Variants in LIMCH1 observed in about 807,000 individuals in gnomAD.
The protein encoded by LIMCH1 is LIM and calponin homology domains-containing protein 1.
A neutral mutation model predicts 176.5 loss-of-function variants in LIMCH1; 113 were observed. The ratio of observed to expected loss-of-function variants is 0.64; its 90% CI spans 0.55 to 0.75. The LOEUF (loss-of-function observed/expected upper bound fraction) is 0.75. LIMCH1 is among the 30% of genes least tolerant of loss of function. The probability of loss-of-function intolerance (pLI) is 0.00; values close to 1 mark genes in which losing one functional copy is unlikely to be tolerated. For missense variants in LIMCH1, 1,674 were observed against 1,814.9 expected (o/e 0.92, Z 1.41); for synonymous variants, 619 against 645.9 (o/e 0.96, Z 0.63).
chr4:41,375,900 T>C (rs2054694945), intron 1 of LIMCH1, among the ~76,000 whole-genome samples: 1 of 152,240 alleles, frequency 6.6e-6, no homozygotes, highest in Non-Finnish European at 1.5e-5. Flanking sequence ...GGCAGATTTT[T>C]CCTTTTTTCT....
At chr4:41,460,458 C>CCATATATATATATATATATATATATATA (rs1554057132) in intron 1 of LIMCH1, among the ~76,000 whole-genome samples, 5 of 110,542 alleles carry the variant, frequency 4.5e-5, no homozygotes, top group African/African-American at 2.0e-4. Context: ...TAGTAATCAT[C>CCATATATATATATATATATATATATATA]TATATATATA....
At chr4:41,650,367 T>C in intron 17 of LIMCH1, 26 bp from the exon 18 acceptor site, 1 of 1,573,790 alleles carries the variant, frequency 6.4e-7, no homozygotes, top group Non-Finnish European at 8.7e-7. Flanking sequence ...ATATAGCATG[T>C]TTTTTGTTCA....
chr4:41,474,528 A>G (rs1349259823), intron 1 of LIMCH1, among the ~76,000 whole-genome samples: 2 of 152,172 alleles, frequency 1.3e-5, no homozygotes, highest in Non-Finnish European at 2.9e-5. Flanking sequence ...TGGATAGACT[A>G]TTCTCAAAAG....
At chr4:41,593,579 C>G (rs912290771) in intron 1 of LIMCH1, among the ~76,000 whole-genome samples, 2 of 152,202 alleles carry the variant, frequency 1.3e-5, no homozygotes, top group Non-Finnish European at 2.9e-5. Flanking sequence ...TTTCTCACAA[C>G]CTTTTTTGGG....
intron 2 of LIMCH1, among the ~76,000 whole-genome samples, chr4:41,505,839 T>C (rs1323685364): frequency 1.3e-5 from 2 of 152,034 alleles, no homozygotes; most frequent in Non-Finnish European, 2.9e-5. Context: ...AGTTATAAGA[T>C]TTCTACCTAG....
At chr4:41,604,139 G>A (rs114753026) in intron 3 of LIMCH1, 9,520 of 919,754 alleles carry the variant, frequency 0.01, 59 homozygotes, top group Non-Finnish European at 0.012. Context: ...AAATAAACAA[G>A]TGAAAGCTTG....
rs2073191604 is a variant in LIMCH1, at chr4:41,501,102, TGCACAAGAAAGACCATTAATG to T, written c.167+6499_167+6519del. Among the ~76,000 whole-genome samples, 3 of 152,312 alleles carry T rather than the reference TGCACAAGAAAGACCATTAATG, an allele frequency of 2.0e-5. No individual in the cohort carries two copies. In the South Asian group the frequency reaches 6.2e-4, roughly 32 times the overall value. ...CACTGGGGAGTTCAGGTAAGAACTC[TGCACAAGAAAGACCATTAATG>T]GCCACTGTGATTTTCTTTAACCCCT... is the stretch of plus-strand genomic sequence containing the variant. On this transcript the variant is annotated intron_variant, in intron 2 of 26. Transcript: ENST00000313860.
intron 1 of LIMCH1, among the ~76,000 whole-genome samples, chr4:41,426,753 T>G (rs1348144325): frequency 6.6e-6 from 1 of 152,242 alleles, no homozygotes; most frequent in East Asian, 1.9e-4. Context: ...GTTTGACAGG[T>G]CTTTGTAAAC....
intron 22 of LIMCH1, among the ~76,000 whole-genome samples, chr4:41,673,195 C>G (rs1585707953): frequency 1.3e-5 from 2 of 152,158 alleles, no homozygotes; most frequent in Non-Finnish European, 2.9e-5. Context: ...GGCTCAGTCC[C>G]AAGCCAATAC....
upstream of LIMCH1, chr4:41,360,577 G>A: frequency 4.3e-6 from 1 of 233,920 alleles, no homozygotes; most frequent in Admixed American, 5.7e-5. The surrounding 1 kb of genome is among the most constrained non-coding windows in gnomAD (Gnocchi z 4.5). Flanking sequence ...GCCCTCGAAG[G>A]TGGGGAGGAG....
Position 41,632,843 on chromosome 4 carries a change from G to A in LIMCH1, c.1696G>A (p.Glu566Lys), listed in dbSNP as rs1055359702. The A allele has an allele frequency of 1.3e-6, 2 of 1,536,096 alleles. No individual in the cohort carries two copies. Among genetic ancestry groups the A allele is most frequent in the African/African-American group, 2.7e-5 (2 of 73,046 alleles). The change falls in exon 11 of 32, where the codon GAG becomes AAG. Residue 566 changes from glutamate (E) to lysine (K), a missense_variant. Transcript: ENST00000503057. ...SQEEWVCSLGECPRGTEEVTS... is the reference protein window; with the variant it reads ...SQEEWVCSLGKCPRGTEEVTS... ...GGAAGAGTGGGTCTGCAGTTTGGGC[G>A]AGTGCCCGAGGGGGACAGAGGAAGG...
chr4:41,538,884 G>A lies in LIMCH1; in HGVS notation c.-241+534G>A, dbSNP rs182701996. ...AGGAAGACATTGGGGAGGCAGGGAG[G>A]AGTCTGGAGGGAAGGGCTGCATCTC... is the stretch of plus-strand genomic sequence containing the variant. On this transcript the variant is annotated intron_variant, in intron 1 of 31. Transcript: ENST00000503057. Among the ~76,000 whole-genome samples the A allele has an allele frequency of 1.1e-4, 17 of 152,302 alleles. 1 individual carries two copies. The highest frequency in any genetic ancestry group is 1.5e-5 in the Non-Finnish European group (1 of 68,020).
rs181772868 is a variant in LIMCH1 at position 41,678,880 on chromosome 4, T to A, written c.3520-1126T>A. Among the ~76,000 whole-genome samples, 470 of 152,292 alleles carry A rather than the reference T, an allele frequency of 3.1e-3. 1 individual carries two copies. Among genetic ancestry groups the A allele is most frequent in the Non-Finnish European group, 5.0e-3 (337 of 68,020 alleles). On this transcript the variant is annotated intron_variant, in intron 23 of 31. Transcript: ENST00000503057. ...TTACTTGTTTTCAGCTTTTATGTAGTTTTAAGGTCTCCTTCCTGTGCCCCT... is the reference window on the plus strand; with the variant it reads ...TTACTTGTTTTCAGCTTTTATGTAGATTTAAGGTCTCCTTCCTGTGCCCCT...
At chr4:41,372,136 C>T (rs1054533023) in intron 1 of LIMCH1, among the ~76,000 whole-genome samples, 13 of 152,120 alleles carry the variant, frequency 8.5e-5, no homozygotes, top group Admixed American at 2.6e-4. Context: ...TCTGCATTTT[C>T]CTCTCATCTC....
At chr4:41,514,976 C>A (rs1269257594) in intron 2 of LIMCH1, among the ~76,000 whole-genome samples, 1 of 152,214 alleles carries the variant, frequency 6.6e-6, no homozygotes, top group Non-Finnish European at 1.5e-5. Context: ...TTGAACCCGG[C>A]TTCTTGAGTG....
chr4:41,579,331 T>G (rs2085016759), intron 1 of LIMCH1, among the ~76,000 whole-genome samples: 1 of 152,228 alleles, frequency 6.6e-6, no homozygotes, highest in African/African-American at 2.4e-5. Flanking sequence ...CTTCTGATCC[T>G]TACGCAGTGG....
chr4:41,673,767 T>A (rs2095128243), intron 22 of LIMCH1, among the ~76,000 whole-genome samples: 1 of 152,204 alleles, frequency 6.6e-6, no homozygotes, highest in African/African-American at 2.4e-5. Flanking sequence ...GGGCTCTTCC[T>A]GCCTCCTGAA....
At chr4:41,566,348 A>C (rs990747658) in intron 1 of LIMCH1, among the ~76,000 whole-genome samples, 7 of 152,226 alleles carry the variant, frequency 4.6e-5, no homozygotes, top group Non-Finnish European at 2.9e-5. Context: ...TATCTATGGC[A>C]GCTATAGCCT....
intron 9 of LIMCH1, 49 bp from the exon 10 acceptor site, chr4:41,631,096 CTTA>C: frequency 1.6e-6 from 2 of 1,276,054 alleles, no homozygotes; most frequent in South Asian, 3.5e-5. Flanking sequence ...TTAAAAACCT[CTTA>C]TTGATTTGTA....
Sources: gnomAD v4.1 joint callset for allele counts (sites outside exome capture counted in the v4.1 genomes callset) on GRCh38, gnomAD v4.1.1 for gene constraint, Gnocchi (gnomAD v3.1) non-coding constraint, MANE v1.5 for transcripts, NCBI Gene and HGNC (gene_info 2026-07-23, HGNC 2026-07-21) for gene names.